Variants in STOX2 observed in about 807,000 individuals in gnomAD.
The protein encoded by STOX2 is storkhead box 2.
A neutral mutation model predicts 60.9 loss-of-function variants in STOX2; 28 were observed. The observed-to-expected ratio is 0.46, with a 90% CI of 0.34 to 0.63. The LOEUF (loss-of-function observed/expected upper bound fraction) is 0.63, where lower values mean the gene tolerates loss of function less well. Among genes scored for constraint, STOX2 ranks in the 30% least tolerant of loss-of-function variants. STOX2 has a pLI of 0.01. For synonymous variants in STOX2, 472 were observed against 463.9 expected, an observed-to-expected ratio of 1.02 and a Z score of -0.22; for missense variants, 1,024 against 1,187.7, an observed-to-expected ratio of 0.86 and a Z score of 2.03.
intron 1 of STOX2, among the ~76,000 whole-genome samples, chr4:183,946,422 C>A (rs1197851843): frequency 6.6e-6 from 1 of 152,060 alleles, no homozygotes; most frequent in Non-Finnish European, 1.5e-5. Context: ...GGGGGTTGGG[C>A]CTATGACCCC....
chr4:183,891,710 A>T (rs1050676525), intron 1 of STOX2, among the ~76,000 whole-genome samples: 1 of 151,956 alleles, frequency 6.6e-6, no homozygotes, highest in Non-Finnish European at 1.5e-5. Context: ...CCACTAAAAA[A>T]CTTACTTATG....
chr4:183,870,471 T>C (rs1273687762), intron 1 of STOX2, among the ~76,000 whole-genome samples: 1 of 152,242 alleles, frequency 6.6e-6, no homozygotes, highest in East Asian at 1.9e-4. Flanking sequence ...TTAGAGATTA[T>C]GTTGGTTTTT....
In STOX2 at chr4:184,009,434, G is replaced by A. The variant is rs748143760; in HGVS notation, c.596G>A (p.Cys199Tyr). 6.2e-7 allele frequency: 1 copy of A among 1,613,992 alleles called. No homozygotes were observed. Among genetic ancestry groups the A allele is most frequent in the South Asian group, 1.1e-5 (1 of 91,086 alleles). ...TTGCCCCGAAACCACTGCGACTCTT[G>A]CCACTGCTGCAGAGAAGACGTGCAC... is the stretch of plus-strand genomic sequence containing the variant. ...RTLPRNHCDS[C>Y]HCCREDVHST... is the part of the protein sequence containing the mutation. The change falls in exon 3 of 4, where the codon TGC becomes TAC. Residue 199 changes from cysteine (C) to tyrosine (Y), a missense_variant. Coordinates refer to ENST00000308497, the MANE Select transcript of STOX2 (RefSeq NM_020225.3). The surrounding 1 kb of genome is among the most constrained non-coding windows in gnomAD (Gnocchi z 4.0).
chr4:183,954,787 G>A (rs973060107), intron 1 of STOX2, among the ~76,000 whole-genome samples: 12 of 152,116 alleles, frequency 7.9e-5, no homozygotes, highest in African/African-American at 2.2e-4. Flanking sequence ...TGCCCAGGCC[G>A]CAGTGCAGTG....
chr4:183,948,539 CCT>C (rs1491355799), intron 1 of STOX2, among the ~76,000 whole-genome samples: 1 of 30,232 alleles, frequency 3.3e-5, no homozygotes, highest in African/African-American at 7.2e-5. Flanking sequence ...AATGCCTTAT[CCT>C]TTTTTTTTTT....
At chr4:183,805,470 C>T (rs1410328597) in intron 1 of STOX2, among the ~76,000 whole-genome samples, 1 of 152,042 alleles carries the variant, frequency 6.6e-6, no homozygotes, top group African/African-American at 2.4e-5. Context: ...ATAGCTAGAT[C>T]TGGATTTTTA....
At chr4:183,973,411 T>C (rs947826974) in intron 1 of STOX2, among the ~76,000 whole-genome samples, 2 of 152,108 alleles carry the variant, frequency 1.3e-5, no homozygotes, top group African/African-American at 4.8e-5. Flanking sequence ...ACATAACATA[T>C]AATAGAACAA....
chr4:183,798,895 A>G (rs1218512857), intron 1 of STOX2: 1 of 159,092 alleles, frequency 6.3e-6, no homozygotes, highest in African/African-American at 3.9e-5. Flanking sequence ...TTTGGGTTTT[A>G]TACTTTGAGT....
chr4:183,893,584 CTTATTTTACACTA>C (rs200689641), intron 1 of STOX2, among the ~76,000 whole-genome samples: 533 of 152,182 alleles, frequency 3.5e-3, no homozygotes, highest in Non-Finnish European at 6.1e-3. Context: ...TGGAGATACT[CTTATTTTACACTA>C]TTATTTTACA....
At chr4:183,951,430 C>G (rs540818246) in intron 1 of STOX2, among the ~76,000 whole-genome samples, 3 of 142,252 alleles carry the variant, frequency 2.1e-5, no homozygotes, top group Non-Finnish European at 3.0e-5. Flanking sequence ...TAGAGGACGA[C>G]AGTCTCTCTC....
upstream of STOX2, among the ~76,000 whole-genome samples, chr4:183,904,196 G>A (rs1741528155): frequency 6.6e-6 from 1 of 152,204 alleles, no homozygotes; most frequent in Non-Finnish European, 1.5e-5. Flanking sequence ...GTAAGCAATG[G>A]AGAGCTGTTG....
intron 1 of STOX2, among the ~76,000 whole-genome samples, chr4:183,808,113 C>G (rs1269442114): frequency 6.6e-6 from 1 of 152,224 alleles, no homozygotes; most frequent in African/African-American, 2.4e-5. Context: ...TCTCTGTTCT[C>G]TGGTCAATAA....
At chr4:183,937,275 A>C (rs1171863811) in intron 1 of STOX2, among the ~76,000 whole-genome samples, 1 of 152,194 alleles carries the variant, frequency 6.6e-6, no homozygotes. Context: ...GTCATTTAAA[A>C]AATTTATTAT....
rs746762470 is a variant in STOX2 at position 184,009,321 on chromosome 4, C to G, written c.483C>G (p.Asp161Glu). 4 of 1,613,760 alleles carry G rather than the reference C, an allele frequency of 2.5e-6. No individual in the cohort carries two copies. Among genetic ancestry groups the G allele is most frequent in the African/African-American group, 2.7e-5 (2 of 74,894 alleles). Residue 161 changes from aspartate (D) to glutamate (E), a missense_variant, in exon 3 of 4, where the codon GAC (aspartate) becomes GAG (glutamate). Asp to Glu is a conservative substitution (Grantham distance 45). This residue lies in a region of STOX2 where 922 missense variants were observed against 1,058.3 expected (regional missense o/e 0.87). Transcript: ENST00000308497. The surrounding 1 kb of genome is among the most constrained non-coding windows in gnomAD (Gnocchi z 4.0). ...CTAACAGTAAATGGTACCATTTGGA[C>G]GAGAGGATACCTGACCGGTCTCAGT... Reference protein sequence around the residue: ...IRTNSKWYHLDERIPDRSQCT... With the variant: ...IRTNSKWYHLEERIPDRSQCT...
At chr4:183,966,608 C>CTTA (rs1743577149) in intron 1 of STOX2, among the ~76,000 whole-genome samples, 1 of 152,180 alleles carries the variant, frequency 6.6e-6, no homozygotes, top group Admixed American at 6.5e-5. Context: ...TTCATGAGAC[C>CTTA]ACAATGCTGC....
At chr4:183,894,017 T>A (rs934518702) in intron 1 of STOX2, among the ~76,000 whole-genome samples, 2 of 152,242 alleles carry the variant, frequency 1.3e-5, no homozygotes, top group Non-Finnish European at 2.9e-5. Flanking sequence ...CCAGGCACGC[T>A]GGCGTGCACC....
intron 1 of STOX2, among the ~76,000 whole-genome samples, chr4:183,982,958 C>A (rs530987233): frequency 5.6e-4 from 85 of 152,284 alleles, no homozygotes; most frequent in Non-Finnish European, 9.6e-4. Context: ...CCTGTAGAAA[C>A]CTTTAATGCC....
At chr4:183,835,390 A>AT (rs1224560635) in intron 1 of STOX2, among the ~76,000 whole-genome samples, 1 of 151,512 alleles carries the variant, frequency 6.6e-6, no homozygotes, top group African/African-American at 2.4e-5. Context: ...CACCCGGCTA[A>AT]TTTTTTTGTA....
intron 1 of STOX2, among the ~76,000 whole-genome samples, chr4:183,820,340 G>C (rs150409428): frequency 1.3e-5 from 2 of 152,086 alleles, no homozygotes; most frequent in African/African-American, 4.8e-5. Context: ...GTCTTATCTT[G>C]TGAGGAGGTG....
Sources: gnomAD v4.1 joint callset for allele counts (sites outside exome capture counted in the v4.1 genomes callset) on GRCh38, gnomAD v4.1.1 for gene constraint, gnomAD v4.1.1 regional missense constraint, Gnocchi (gnomAD v3.1) non-coding constraint, MANE v1.5 for transcripts, NCBI Gene and HGNC (gene_info 2026-07-23, HGNC 2026-07-21) for gene names.